Variants in CCDC38 observed in about 807,000 individuals in gnomAD.
CCDC38 encodes the protein coiled-coil domain containing 38.
In CCDC38, 69 loss-of-function variants were observed where a neutral mutation model predicts 72.8. That is an observed-to-expected ratio of 0.95 (90% CI 0.78 to 1.16). The LOEUF (loss-of-function observed/expected upper bound fraction) is 1.16, where lower values mean the gene tolerates loss of function less well. CCDC38 is among the 50% of genes most tolerant of loss of function. The pLI, the probability that CCDC38 is intolerant of heterozygous loss-of-function variation, is 0.00. For synonymous variants in CCDC38, 201 were observed against 213.2 expected, an observed-to-expected ratio of 0.94 and a Z score of 0.50; for missense variants, 626 against 638.9, an observed-to-expected ratio of 0.98 and a Z score of 0.22.
At chr12:95,925,633 A>G (rs2080261607) in intron 2 of CCDC38, among the ~76,000 whole-genome samples, 1 of 152,118 alleles carries the variant, frequency 6.6e-6, no homozygotes, top group Non-Finnish European at 1.5e-5. Flanking sequence ...TTCAAAGGGA[A>G]TGCTTCCAGT....
At chr12:95,918,824 A>G (rs112224803) in intron 3 of CCDC38, 52 bp downstream of exon 3, 1 of 1,226,816 alleles carries the variant, frequency 8.2e-7, no homozygotes, top group African/African-American at 1.5e-5. Flanking sequence ...GCAATAGGTA[A>G]GTGGATATGA....
intron 4 of CCDC38, among the ~76,000 whole-genome samples, chr12:95,908,457 G>T (rs1228184990): frequency 0.17 from 3 of 18 alleles, no homozygotes; most frequent in South Asian, 0.5. Context: ...GGGAGAGGGA[G>T]AGGGAGAGGG....
intron 1 of CCDC38, among the ~76,000 whole-genome samples, chr12:95,938,479 T>C (rs999871916): frequency 2.0e-5 from 3 of 152,238 alleles, no homozygotes; most frequent in African/African-American, 7.2e-5. Context: ...TGAGCATCTT[T>C]ATCCATGGGT....
chr12:95,924,401 G>C (rs1226704528), intron 2 of CCDC38, among the ~76,000 whole-genome samples: 3 of 141,650 alleles, frequency 2.1e-5, no homozygotes, highest in Non-Finnish European at 3.1e-5. Flanking sequence ...TTTTTTTCTT[G>C]TAAATTTGGT....
At chr12:95,869,666 A>C in intron 14 of CCDC38, 93 bp from the exon 15 acceptor site, 2 of 859,570 alleles carry the variant, frequency 2.3e-6, no homozygotes, top group South Asian at 3.0e-5. Flanking sequence ...TGTGACTAGA[A>C]GACCTCCTTT....
chr12:95,888,375 T>G, intron 10 of CCDC38, 83 bp downstream of exon 10: 1 of 1,208,148 alleles, frequency 8.3e-7, no homozygotes, highest in Non-Finnish European at 1.2e-6. Context: ...GTACATGACA[T>G]ATATGTTGAG....
intron 7 of CCDC38, among the ~76,000 whole-genome samples, chr12:95,895,889 C>T (rs2079882587): frequency 6.6e-6 from 1 of 151,032 alleles, no homozygotes; most frequent in Non-Finnish European, 1.5e-5. Context: ...AACCCTGTCT[C>T]TACTAAGAAT....
intron 5 of CCDC38, among the ~76,000 whole-genome samples, chr12:95,905,123 T>C (rs998157565): frequency 1.3e-5 from 2 of 152,226 alleles, no homozygotes; most frequent in African/African-American, 4.8e-5. Context: ...GTAAATGCTA[T>C]ATATAAATAG....
chr12:95,926,989 G>A (rs2080278472), intron 2 of CCDC38, among the ~76,000 whole-genome samples: 1 of 152,250 alleles, frequency 6.6e-6, no homozygotes, highest in Middle Eastern at 3.4e-3. Flanking sequence ...GAACAGGTAT[G>A]GTGTGGTACT....
intron 8 of CCDC38, among the ~76,000 whole-genome samples, 154 bp downstream of exon 8, chr12:95,894,833 CAA>C (rs764716582): frequency 9.9e-5 from 15 of 152,240 alleles, no homozygotes; most frequent in South Asian, 4.2e-4. Context: ...GAAATTAGCT[CAA>C]GTTTCCAAAT....
At chr12:95,929,853 C>T (rs1333229621) in intron 2 of CCDC38, among the ~76,000 whole-genome samples, 2 of 152,156 alleles carry the variant, frequency 1.3e-5, no homozygotes, top group African/African-American at 2.4e-5. Context: ...GAGCCATGCT[C>T]TCTTGGTGAA....
chr12:95,917,992 AATTTT>A (rs2080164796), intron 3 of CCDC38, among the ~76,000 whole-genome samples: 1 of 152,152 alleles, frequency 6.6e-6, no homozygotes, highest in Non-Finnish European at 1.5e-5. Context: ...CTCTCAATTT[AATTTT>A]AAGTATGTTC....
rs911619199 is a variant in CCDC38, at chr12:95,888,460, T to C, written c.918A>G (p.Ser306=). 1 of 1,614,084 alleles carries C rather than the reference T, an allele frequency of 6.2e-7. No individual in the cohort carries two copies. Among genetic ancestry groups the C allele is most frequent in the Admixed American group, 1.7e-5 (1 of 60,020 alleles). The change falls in exon 10 of 16, where the codon TCA becomes TCG. Residue 306 remains serine (S), a splice_region_variant and synonymous_variant. Transcript: ENST00000344280. ...SLTRTPEKKK[S]NLAESFGSED... Reference sequence around the variant, plus strand: ...AGTTAGTCAAGTATATACTGTACTTTGATTTCTTTTTCTCTGGAGTGCGAG... The same window carrying C: ...AGTTAGTCAAGTATATACTGTACTTCGATTTCTTTTTCTCTGGAGTGCGAG...
intron 1 of CCDC38, among the ~76,000 whole-genome samples, chr12:95,937,260 C>A (rs1210174528): frequency 6.6e-6 from 1 of 152,194 alleles, no homozygotes; most frequent in Non-Finnish European, 1.5e-5. Flanking sequence ...ACTCTACTCA[C>A]CCAAATCCTG....
intron 1 of CCDC38, among the ~76,000 whole-genome samples, chr12:95,938,908 T>C (rs1367537335): frequency 6.6e-6 from 1 of 152,208 alleles, no homozygotes; most frequent in Non-Finnish European, 1.5e-5. Context: ...CACGTTCACA[T>C]CCAACTTCCA....
chr12:95,928,388 A>G lies in CCDC38; in HGVS notation c.37+8085T>C, dbSNP rs1300904485. 3.3e-5 allele frequency among the ~76,000 whole-genome samples: 5 copies of G among 152,330 alleles called. No homozygotes were observed. In the South Asian group the frequency reaches 1.0e-3, roughly 32 times the overall value. Reference sequence around the variant, plus strand: ...TTCTTGAGCCTTGGTTTTCAACTCCATCAGCTCCTTTAAGCACTTCTCTGT... The same window carrying G: ...TTCTTGAGCCTTGGTTTTCAACTCCGTCAGCTCCTTTAAGCACTTCTCTGT... On this transcript the variant is annotated intron_variant, in intron 2 of 15. Transcript: ENST00000344280.
rs765041197 is a variant in CCDC38, at chr12:95,918,862, T to C, written c.138+14A>G. The C allele has an allele frequency of 6.5e-7, 1 of 1,536,982 alleles. No individual in the cohort carries two copies. The highest frequency in any genetic ancestry group is 1.1e-5 in the South Asian group (1 of 89,252). ...CTAACATTAATTGGGGTTGTGATTT[T>C]AATTAAACTTTACCGTTTCCTTTGC... On this transcript the variant is annotated intron_variant, in intron 3 of 15. Coordinates refer to ENST00000344280, the MANE Select transcript of CCDC38 (RefSeq NM_182496.3).
At position 95,912,394 on chromosome 12, in the gene CCDC38, C is replaced by G. The variant is rs755107320; in HGVS notation, c.304+4735G>C. Among the ~76,000 whole-genome samples, 6 of 151,934 alleles carry G rather than the reference C, an allele frequency of 3.9e-5. No individual in the cohort carries two copies. In the South Asian group the frequency reaches 1.2e-3, roughly 32 times the overall value. ...TTAAGAATTTAAATACTCATCCCTA[C>G]GTGGAAGCTAAAAAAGTTGACCTCA... On this transcript the variant is annotated intron_variant, in intron 4 of 15. Transcript: ENST00000344280.
intron 4 of CCDC38, among the ~76,000 whole-genome samples, chr12:95,916,379 G>GCCTTCCTTCCTTCCTTCCTTCCTTCCTT (rs63210665): frequency 4.6e-4 from 68 of 147,456 alleles, no homozygotes; most frequent in African/African-American, 1.6e-3. Context: ...TTGCCTGCCT[G>GCCTTCCTTCCTTCCTTCCTTCCTTCCTT]CCTTCCTTCC....
Sources: allele counts gnomAD v4.1 joint callset (sites outside exome capture counted in the v4.1 genomes callset), GRCh38; gene constraint gnomAD v4.1.1; transcripts MANE v1.5; gene names NCBI Gene and HGNC (gene_info 2026-07-23, HGNC 2026-07-21).